The following NFIB variants were observed in gnomAD, a reference collection of about 807,000 sequenced individuals.
NFIB encodes nuclear factor I B.
A neutral mutation model predicts 61.5 loss-of-function variants in NFIB; 11 were observed. The observed-to-expected ratio is 0.18, with a 90% confidence interval of 0.11 to 0.30. NFIB has a LOEUF of 0.30. Ranked by LOEUF, NFIB falls within the 10% of genes least tolerant of loss-of-function variation. The pLI is 1.00. For missense variants in NFIB, 471 were observed against 608.9 expected (o/e 0.77, Z 2.38); for synonymous variants, 260 against 216.5 (o/e 1.20, Z -1.76).
intron 1 of NFIB, among the ~76,000 whole-genome samples, chr9:14,349,623 T>TA (rs1299647911): frequency 1.3e-5 from 2 of 152,100 alleles, no homozygotes; most frequent in Non-Finnish European, 2.9e-5. Context: ...GGCATGCACT[T>TA]ACATTCCCTA....
intron 1 of NFIB, among the ~76,000 whole-genome samples, chr9:14,365,706 T>C (rs936994894): frequency 1.3e-5 from 2 of 152,252 alleles, no homozygotes; most frequent in Non-Finnish European, 2.9e-5. Context: ...AACAAACATA[T>C]GCTCTTATCA....
At chr9:14,421,213 G>A in the NFIB span, among the ~76,000 whole-genome samples, 1 of 151,826 alleles carries the variant, frequency 6.6e-6, no homozygotes, top group Non-Finnish European at 1.5e-5. Context: ...CAATTCTTAT[G>A]AAATATTAAA....
chr9:14,263,683 A>G (rs151225042), intron 2 of NFIB, among the ~76,000 whole-genome samples: 153 of 152,322 alleles, frequency 1.0e-3, no homozygotes, highest in African/African-American at 3.4e-3. Flanking sequence ...TTGTGTGTGC[A>G]TCTGTGACGA....
intron 2 of NFIB, among the ~76,000 whole-genome samples, chr9:14,227,183 A>C (rs2052541990): frequency 6.6e-6 from 1 of 152,008 alleles, no homozygotes; most frequent in Admixed American, 6.6e-5. Flanking sequence ...GTAAAAGAAA[A>C]GAAATATATT....
chr9:14,444,825 T>C, the NFIB span, among the ~76,000 whole-genome samples: 5 of 152,182 alleles, frequency 3.3e-5, no homozygotes, highest in African/African-American at 1.2e-4. Context: ...ACAAGGACTG[T>C]AGAGACCCTT....
chr9:14,412,594 G>T, the NFIB span, among the ~76,000 whole-genome samples: 19 of 152,142 alleles, frequency 1.2e-4, no homozygotes, highest in Non-Finnish European at 2.2e-4. Context: ...CTCATCGGTT[G>T]TAGGGCTTCC....
intron 2 of NFIB, among the ~76,000 whole-genome samples, chr9:14,217,674 A>AAAAAAAAAAAAAAAAAAAAAAC: frequency 1.3e-5 from 2 of 151,336 alleles, no homozygotes; most frequent in Non-Finnish European, 2.9e-5. Flanking sequence ...AAAAAAAAAA[A>AAAAAAAAAAAAAAAAAAAAAAC]AAAAAAAGAC....
chr9:14,153,597 A>C (rs959609403), intron 4 of NFIB, among the ~76,000 whole-genome samples: 1 of 152,144 alleles, frequency 6.6e-6, no homozygotes, highest in African/African-American at 2.4e-5. Flanking sequence ...TCAACTTTTA[A>C]GATGGAGATA....
chr9:14,515,162 CT>C, the NFIB span, among the ~76,000 whole-genome samples: 2 of 151,780 alleles, frequency 1.3e-5, no homozygotes, highest in African/African-American at 4.8e-5. Flanking sequence ...AAGGATAGAA[CT>C]GGACAGGTAC....
At chr9:14,428,300 G>C in the NFIB span, among the ~76,000 whole-genome samples, 2 of 152,084 alleles carry the variant, frequency 1.3e-5, no homozygotes, top group Non-Finnish European at 2.9e-5. Flanking sequence ...TGGAGTTCCA[G>C]AATTTGAATC....
At chr9:14,412,477 T>C in the NFIB span, among the ~76,000 whole-genome samples, 1 of 152,222 alleles carries the variant, frequency 6.6e-6, no homozygotes, top group Admixed American at 6.5e-5. Flanking sequence ...TGGGTTATTC[T>C]CTCTGAGTGT....
intron 2 of NFIB, among the ~76,000 whole-genome samples, chr9:14,240,097 T>C (rs2054196021): frequency 1.3e-5 from 2 of 152,316 alleles, no homozygotes; most frequent in South Asian, 4.1e-4. Context: ...AATACACTGG[T>C]CAAGTTCCAA....
At chr9:14,289,504 GAGA>G (rs1190282426) in intron 2 of NFIB, among the ~76,000 whole-genome samples, 1 of 151,592 alleles carries the variant, frequency 6.6e-6, no homozygotes, top group Non-Finnish European at 1.5e-5. Flanking sequence ...GGTAGTTGGT[GAGA>G]AGGTTATATT....
chr9:14,261,005 T>A (rs2056697992), intron 2 of NFIB, among the ~76,000 whole-genome samples: 1 of 151,940 alleles, frequency 6.6e-6, no homozygotes. Flanking sequence ...GGGAAAAAAG[T>A]CAAGACAACA....
chr9:14,440,894 G>A, the NFIB span, among the ~76,000 whole-genome samples: 5 of 152,104 alleles, frequency 3.3e-5, no homozygotes, highest in South Asian at 1.0e-3. Context: ...GGTATTAAGA[G>A]AAAAATGTGA....
chr9:14,195,002 C>T (rs1321677918), intron 2 of NFIB, among the ~76,000 whole-genome samples: 2 of 152,036 alleles, frequency 1.3e-5, no homozygotes, highest in African/African-American at 4.8e-5. Flanking sequence ...CCGTAAGCTT[C>T]TCCACAATGT....
chr9:14,459,089 A>G, the NFIB span, among the ~76,000 whole-genome samples: 2 of 152,048 alleles, frequency 1.3e-5, no homozygotes, highest in Admixed American at 1.3e-4. Context: ...ACAAAGCTGG[A>G]GGCATCACGC....
At chr9:14,522,422 T>C in the NFIB span, among the ~76,000 whole-genome samples, 3 of 152,290 alleles carry the variant, frequency 2.0e-5, no homozygotes, top group Admixed American at 1.3e-4. Flanking sequence ...TAACATCTTA[T>C]TGGAAAAATA....
At chr9:14,393,363 T>C (rs1309965102) in intron 1 of NFIB, among the ~76,000 whole-genome samples, 1 of 152,194 alleles carries the variant, frequency 6.6e-6, no homozygotes, top group African/African-American at 2.4e-5. Context: ...TAAACTTGCA[T>C]TCCTTCTACT....
Sources: gnomAD v4.1 joint callset for allele counts (sites outside exome capture counted in the v4.1 genomes callset) on GRCh38, gnomAD v4.1.1 for gene constraint, MANE v1.5 for transcripts, NCBI Gene and HGNC (gene_info 2026-07-23, HGNC 2026-07-21) for gene names.